Variants in ETFA observed in about 807,000 individuals in gnomAD.
ETFA encodes the protein electron transfer flavoprotein subunit alpha, mitochondrial.
In ETFA, 22 loss-of-function variants were observed where a neutral mutation model predicts 46.2. The ratio of observed to expected loss-of-function variants is 0.48; its 90% CI spans 0.34 to 0.68. The LOEUF is 0.68. Among genes scored for constraint, ETFA ranks in the 30% least tolerant of loss-of-function variants. ETFA has a pLI of 0.01. For missense variants in ETFA, 345 were observed against 401.1 expected (o/e 0.86, Z 1.19); for synonymous variants, 131 against 139.9 (o/e 0.94, Z 0.45).
chr15:76,270,936 A>G (rs917625764), intron 9 of ETFA, among the ~76,000 whole-genome samples: 5 of 152,180 alleles, frequency 3.3e-5, no homozygotes, highest in African/African-American at 1.2e-4. Flanking sequence ...TTGGGAGACC[A>G]AGGTGGGCGG....
chr15:76,226,109 C>A (rs942240593), intron 10 of ETFA, 180 bp from the exon 11 acceptor site: 7 of 586,254 alleles, frequency 1.2e-5, no homozygotes, highest in African/African-American at 7.5e-5. Context: ...TAATAAAATT[C>A]TCTCTTACCC....
intron 10 of ETFA, among the ~76,000 whole-genome samples, chr15:76,227,150 C>A (rs2039012439): frequency 6.6e-6 from 1 of 152,214 alleles, no homozygotes; most frequent in East Asian, 1.9e-4. Flanking sequence ...ATAATCCCAG[C>A]ACTTTGGGAG....
chr15:76,272,846 G>C (rs1164058233), intron 9 of ETFA, among the ~76,000 whole-genome samples: 1 of 137,350 alleles, frequency 7.3e-6, no homozygotes, highest in African/African-American at 3.0e-5. Context: ...ATGTGTGCTA[G>C]AGCTCATTAA....
chr15:76,226,524 C>T (rs2039006316), intron 10 of ETFA, among the ~76,000 whole-genome samples: 1 of 152,108 alleles, frequency 6.6e-6, no homozygotes, highest in Admixed American at 6.5e-5. Context: ...GCAGAGGTTG[C>T]AGTGAGCAGA....
rs200222031 is a variant in ETFA at position 76,310,252 on chromosome 15, TAAAC to T, written c.39+1094_39+1097del. ...GGAAACAGAGCCAGACCTTGTCTCT[TAAAC>T]AAACAAACAAACAAACAAACAAAAG... On this transcript the variant is annotated intron_variant, in intron 1 of 11. Coordinates refer to ENST00000557943, the MANE Select transcript of ETFA (RefSeq NM_000126.4). Among the ~76,000 whole-genome samples the T allele has an allele frequency of 2.1e-3, 314 of 149,344 alleles. 1 individual carries two copies. The highest frequency in any genetic ancestry group is 7.0e-3 in the Middle Eastern group (2 of 286).
intron 9 of ETFA, chr15:76,259,338 T>C: frequency 6.3e-7 from 1 of 1,594,956 alleles, no homozygotes; most frequent in Non-Finnish European, 8.6e-7. Flanking sequence ...TGGGCGCTGC[T>C]TGGGGTCAGC....
rs532776584 is a variant in ETFA at position 76,294,453 on chromosome 15, AC to A, written c.186+1137del. On this transcript the variant is annotated intron_variant, in intron 2 of 11. Coordinates refer to ENST00000557943, the MANE Select transcript of ETFA (RefSeq NM_000126.4). ...AATCCACATAACTAATCATAAACCC[AC>A]CAGAATATGTTCTTTTATCAATTTC... Among the ~76,000 whole-genome samples the A allele has an allele frequency of 5.3e-5, 8 of 152,332 alleles. No individual in the cohort carries two copies. In the South Asian group the frequency reaches 1.7e-3, roughly 32 times the overall value.
In ETFA at chr15:76,292,423, C is replaced by G. The variant is rs374723922; in HGVS notation, c.351+8G>C. 1.0e-5 allele frequency: 16 copies of G among 1,601,480 alleles called. No individual in the cohort carries two copies. The highest frequency in any genetic ancestry group is 1.4e-5 in the Non-Finnish European group (16 of 1,168,524). The stretch of plus-strand genomic sequence containing the variant: ...TGATATCAGATTCCACATTCTCAAC[C>G]TTCTCACCTTTCCGAAGGCAGATGC... On this transcript the variant is annotated splice_region_variant and intron_variant, in intron 4 of 11. Transcript: ENST00000557943.
chr15:76,274,846 C>A (rs1438860160), intron 8 of ETFA, among the ~76,000 whole-genome samples: 1 of 152,144 alleles, frequency 6.6e-6, no homozygotes, highest in African/African-American at 2.4e-5. Flanking sequence ...CAAAGAGTTT[C>A]ATATAACAAG....
intron 10 of ETFA, 180 bp downstream of exon 10, chr15:76,231,153 G>C (rs369350546): frequency 7.2e-5 from 43 of 598,244 alleles, no homozygotes; most frequent in Non-Finnish European, 1.1e-4. Flanking sequence ...ACACAGCACT[G>C]CCTCTGTGAC....
intron 7 of ETFA, 136 bp from the exon 8 acceptor site, chr15:76,283,961 C>T (rs1158016796): frequency 3.1e-6 from 2 of 652,466 alleles, no homozygotes; most frequent in Non-Finnish European, 5.5e-6. Context: ...CTCTATAAAC[C>T]TTTTCTGGCC....
rs1469539547 is a variant in ETFA, at chr15:76,290,566, G to A, written c.351+1865C>T. 2.6e-5 allele frequency among the ~76,000 whole-genome samples: 4 copies of A among 151,766 alleles called. No homozygotes were observed. In the South Asian group the frequency reaches 6.3e-4, roughly 24 times the overall value. ...AGATCTCACTGTATTGCCCAGGCTGGGCTACAACTCCTGGGCTCAGACAAT... is the reference window on the plus strand; with the variant it reads ...AGATCTCACTGTATTGCCCAGGCTGAGCTACAACTCCTGGGCTCAGACAAT... On this transcript the variant is annotated intron_variant, in intron 4 of 11. Coordinates refer to ENST00000557943, the MANE Select transcript of ETFA (RefSeq NM_000126.4).
chr15:76,279,483 C>T (rs2039627064), intron 8 of ETFA, among the ~76,000 whole-genome samples: 1 of 152,074 alleles, frequency 6.6e-6, no homozygotes, highest in Non-Finnish European at 1.5e-5. Flanking sequence ...TGCCGTGTTG[C>T]CCAGGCTGGT....
chr15:76,218,911 T>C (rs1391833931), intron 11 of ETFA, among the ~76,000 whole-genome samples: 1 of 152,120 alleles, frequency 6.6e-6, no homozygotes, highest in Admixed American at 6.5e-5. Context: ...TTGGCAAGCA[T>C]AGACAGAGAG....
chr15:76,310,901 CAA>C (rs1448423873), intron 1 of ETFA, among the ~76,000 whole-genome samples: 1 of 151,466 alleles, frequency 6.6e-6, no homozygotes, highest in Non-Finnish European at 1.5e-5. Flanking sequence ...ACGATGCGCC[CAA>C]AGTGTTTAAT....
At chr15:76,222,293 T>A (rs1361703921) in intron 11 of ETFA, among the ~76,000 whole-genome samples, 1 of 148,730 alleles carries the variant, frequency 6.7e-6, no homozygotes, top group Non-Finnish European at 1.5e-5. Flanking sequence ...ATAAAATATA[T>A]AACATTAAGA....
intron 8 of ETFA, among the ~76,000 whole-genome samples, chr15:76,282,142 G>A (rs529508868): frequency 6.6e-6 from 1 of 152,020 alleles, no homozygotes; most frequent in African/African-American, 2.4e-5. Context: ...GACCTCAGGT[G>A]ATCCGCCCAC....
chr15:76,305,911 T>C lies in ETFA; in HGVS notation c.39+5439A>G, dbSNP rs74986441. On this transcript the variant is annotated intron_variant, in intron 1 of 11. Coordinates refer to ENST00000557943, the MANE Select transcript of ETFA (RefSeq NM_000126.4). ...TGGGTATTTGTTTGAGACTGGGTCT[T>C]GCTTGCTATGTTGCTCAGGCTGGTC... Among the ~76,000 whole-genome samples the C allele has an allele frequency of 5.6e-3, 847 of 151,794 alleles. 17 individuals carry two copies. The highest frequency in any genetic ancestry group is 0.02 in the African/African-American group (815 of 41,374).
At chr15:76,279,388 T>C (rs946415183) in intron 8 of ETFA, among the ~76,000 whole-genome samples, 4 of 152,094 alleles carry the variant, frequency 2.6e-5, no homozygotes, top group Non-Finnish European at 5.9e-5. Context: ...TGATTTCTCC[T>C]GCCTCAGCCT....
Sources: gnomAD v4.1 joint callset for allele counts (sites outside exome capture counted in the v4.1 genomes callset) on GRCh38, gnomAD v4.1.1 for gene constraint, MANE v1.5 for transcripts, NCBI Gene and HGNC (gene_info 2026-07-23, HGNC 2026-07-21) for gene names.